The following INSL6 variants were observed in gnomAD, a reference collection of about 807,000 sequenced individuals.
The protein encoded by INSL6 is insulin-like peptide INSL6.
INSL6 carries 16 observed loss-of-function variants against 9.4 expected under a neutral mutation model. The observed-to-expected ratio is 1.70, with a 90% CI of 1.15 to 2.59. INSL6 has a LOEUF of 2.59. Ranked by LOEUF, INSL6 falls within the 30% of genes most tolerant of loss-of-function variation. The probability of loss-of-function intolerance (pLI) is 0.00; values close to 1 mark genes in which losing one functional copy is unlikely to be tolerated. For synonymous variants in INSL6, 154 were observed against 96.9 expected (o/e 1.59, Z -3.46); for missense variants, 391 against 257.3 (o/e 1.52, Z -3.56).
chr9:5,022,967 T>C, the INSL6 span, among the ~76,000 whole-genome samples: 2 of 152,238 alleles, frequency 1.3e-5, no homozygotes, highest in Non-Finnish European at 2.9e-5. Flanking sequence ...TTATTTAAGA[T>C]CAGTATAGGT....
chr9:5,012,996 T>G, the INSL6 span, among the ~76,000 whole-genome samples: 2 of 152,080 alleles, frequency 1.3e-5, no homozygotes, highest in South Asian at 4.1e-4. Flanking sequence ...AAAAAGCCAA[T>G]GGATGGATTT....
chr9:5,051,476 G>T, the INSL6 span, among the ~76,000 whole-genome samples: 3 of 152,224 alleles, frequency 2.0e-5, no homozygotes, highest in East Asian at 5.8e-4. Flanking sequence ...TAATCCAAGA[G>T]ATTTGGATTC....
At chr9:5,105,608 A>T in the INSL6 span, among the ~76,000 whole-genome samples, 35 of 152,148 alleles carry the variant, frequency 2.3e-4, no homozygotes, top group Non-Finnish European at 1.3e-4. Context: ...CATTGCCAAG[A>T]CCATCCTAAG....
the INSL6 span, among the ~76,000 whole-genome samples, chr9:5,106,938 A>G: frequency 6.6e-6 from 1 of 152,318 alleles, no homozygotes; most frequent in East Asian, 1.9e-4. Flanking sequence ...GTAAATGACG[A>G]GTTAATGGGT....
the INSL6 span, chr9:5,073,854 G>C: frequency 9.7e-7 from 1 of 1,036,188 alleles, no homozygotes; most frequent in African/African-American, 1.6e-5. Context: ...AGAAAATTCA[G>C]TTTCAGGATC....
At chr9:5,089,899 G>T in the INSL6 span, 1 of 1,373,910 alleles carries the variant, frequency 7.3e-7, no homozygotes, top group Non-Finnish European at 9.6e-7. Context: ...TAAATTCAAG[G>T]TATGTGTTTG....
chr9:5,022,269 T>C, the INSL6 span: 1 of 1,190,624 alleles, frequency 8.4e-7, no homozygotes, highest in South Asian at 1.2e-5. Flanking sequence ...TTAATTATGC[T>C]ATGCTAATAC....
At chr9:5,082,670 A>G in the INSL6 span, among the ~76,000 whole-genome samples, 2 of 152,346 alleles carry the variant, frequency 1.3e-5, no homozygotes, top group East Asian at 3.9e-4. Context: ...AACCTTGGAC[A>G]TTACCCGGCT....
intron 3 of INSL6, chr9:5,132,787 G>A (rs1461060682): frequency 6.6e-6 from 1 of 152,210 alleles, no homozygotes; most frequent in Admixed American, 6.5e-5. Context: ...TGTAGCAAAG[G>A]AATCCTGGAT....
downstream of INSL6, among the ~76,000 whole-genome samples, chr9:5,161,378 A>C (rs545873169): frequency 6.6e-6 from 1 of 152,284 alleles, no homozygotes; most frequent in African/African-American, 2.4e-5. Flanking sequence ...AAAAATAAAA[A>C]CCTCTCATGC....
chr9:5,081,912 A>C, the INSL6 span: 1 of 1,456,584 alleles, frequency 6.9e-7, no homozygotes, highest in Non-Finnish European at 9.6e-7. Flanking sequence ...CATTTAGGAA[A>C]AACTTAAGAG....
chr9:5,079,864 G>A, the INSL6 span, among the ~76,000 whole-genome samples: 4 of 152,120 alleles, frequency 2.6e-5, no homozygotes, highest in Admixed American at 2.0e-4. Context: ...ATGGAAAGAG[G>A]TTGAGAAAAT....
chr9:4,995,855 T>A, the INSL6 span, among the ~76,000 whole-genome samples: 2 of 152,252 alleles, frequency 1.3e-5, no homozygotes, highest in African/African-American at 2.4e-5. Flanking sequence ...ACCTTTTTTT[T>A]AAACTTTATT....
chr9:5,126,723 A>C (rs1824022471), intron 3 of INSL6: 1 of 1,611,044 alleles, frequency 6.2e-7, no homozygotes, highest in South Asian at 1.1e-5. Context: ...CAATAATGTA[A>C]ATCAACGCCC....
Position 5,183,734 on chromosome 9 carries a change from G to C in INSL6, c.289+1580C>G, listed in dbSNP as rs912053392. On this transcript the variant is annotated intron_variant, in intron 1 of 1. Coordinates refer to ENST00000381641, the MANE Select transcript of INSL6 (RefSeq NM_007179.3). ...AAAGCAGAAAGGGAAGGCTCTCCTT[G>C]CACTCCTGGGAGAAAAGAACAAGAA... Among the ~76,000 whole-genome samples the C allele has an allele frequency of 3.9e-5, 6 of 152,010 alleles. No individual in the cohort carries two copies. In the South Asian group the frequency reaches 1.2e-3, roughly 32 times the overall value.
At chr9:5,163,626 G>A (rs528523034), downstream of INSL6, among the ~76,000 whole-genome samples, 20 of 140,928 alleles carry the variant, frequency 1.4e-4, no homozygotes, top group African/African-American at 4.7e-4. Flanking sequence ...TTAAAACACA[G>A]CTTAAGAGAG....
At chr9:5,011,317 C>A in the INSL6 span, among the ~76,000 whole-genome samples, 1 of 152,100 alleles carries the variant, frequency 6.6e-6, no homozygotes, top group African/African-American at 2.4e-5. Flanking sequence ...TCCCAAGTAG[C>A]TGGGACTACG....
chr9:5,093,929 C>A, the INSL6 span, among the ~76,000 whole-genome samples: 1 of 152,024 alleles, frequency 6.6e-6, no homozygotes, highest in African/African-American at 2.4e-5. Context: ...TATGAAAGGA[C>A]AAGAGAAATA....
In INSL6 at chr9:5,165,152, A is replaced by G. The variant is rs147184843; in HGVS notation, c.290-887T>C. On this transcript the variant is annotated intron_variant, in intron 1 of 1. Coordinates refer to ENST00000381641, the MANE Select transcript of INSL6 (RefSeq NM_007179.3). ...CTTGAACACGGGAGGAAGAAGTTGC[A>G]GTGAGCCGAGATAGTGCCACTGCAC... is the stretch of plus-strand genomic sequence containing the variant. 5.9e-5 allele frequency among the ~76,000 whole-genome samples: 9 copies of G among 152,336 alleles called. No individual in the cohort carries two copies. The East Asian group carries it at 1.7e-3, about 29-fold the overall frequency.
Sources: gnomAD v4.1 joint callset for allele counts (sites outside exome capture counted in the v4.1 genomes callset) on GRCh38, gnomAD v4.1.1 for gene constraint, MANE v1.5 for transcripts, NCBI Gene and HGNC (gene_info 2026-07-23, HGNC 2026-07-21) for gene names.